The following DUSP16 variants were observed in gnomAD, a reference collection of about 807,000 sequenced individuals.
The protein encoded by DUSP16 is dual specificity protein phosphatase 16.
Under a neutral mutation model 58.3 loss-of-function variants are expected in DUSP16, and 21 were observed. The ratio of observed to expected loss-of-function variants is 0.36; its 90% CI spans 0.26 to 0.52. The LOEUF (loss-of-function observed/expected upper bound fraction) is 0.52, where lower values mean the gene tolerates loss of function less well. DUSP16 is among the 20% of genes least tolerant of loss of function. DUSP16 has a pLI of 0.94. For missense variants in DUSP16, 726 were observed against 819.0 expected (o/e 0.89, Z 1.39); for synonymous variants, 320 against 323.8 (o/e 0.99, Z 0.12).
intron 4 of DUSP16, among the ~76,000 whole-genome samples, chr12:12,494,011 C>T (rs1292994531): frequency 6.6e-6 from 1 of 152,128 alleles, no homozygotes; most frequent in African/African-American, 2.4e-5. Flanking sequence ...ATGGTAGAGG[C>T]TCAATAAACA....
intron 1 of DUSP16, among the ~76,000 whole-genome samples, chr12:12,561,366 G>A (rs566439965): frequency 6.6e-6 from 1 of 152,226 alleles, no homozygotes; most frequent in East Asian, 1.9e-4. Flanking sequence ...AGATCTACTT[G>A]CCTTTTCTCT....
Position 12,476,700 on chromosome 12 carries a change from T to G in DUSP16, c.*133A>C. ...AGAGTAACAACTGGGTTGATCCACC[T>G]GTTGCTTTTACACCATAGCTCCATT... On this transcript the variant is annotated 3_prime_UTR_variant, in exon 7 of 7. Transcript: ENST00000298573. 1 of 717,822 alleles carries G rather than the reference T, an allele frequency of 1.4e-6. No homozygotes were observed. Among genetic ancestry groups the G allele is most frequent in the Non-Finnish European group, 2.2e-6 (1 of 447,690 alleles). The allele number at this position is 717,822 out of a possible 1,614,324, so 44.5% of individuals were successfully genotyped here.
rs985766893 is a variant in DUSP16, at chr12:12,479,466, G to A, written c.815+757C>T. Among the ~76,000 whole-genome samples the A allele has an allele frequency of 2.6e-5, 4 of 152,154 alleles. No homozygotes were observed. In the East Asian group the frequency reaches 5.8e-4, roughly 22 times the overall value. ...CAGGGAGGTCTGAACGGCGGCATGAGAGCTCGTGCAGATGACCAGAGGACC... is the reference window on the plus strand; with the variant it reads ...CAGGGAGGTCTGAACGGCGGCATGAAAGCTCGTGCAGATGACCAGAGGACC... On this transcript the variant is annotated intron_variant, in intron 6 of 6. Transcript: ENST00000298573.
At chr12:12,536,500 T>C (rs999474933) in intron 1 of DUSP16, among the ~76,000 whole-genome samples, 13 of 152,288 alleles carry the variant, frequency 8.5e-5, no homozygotes, top group Admixed American at 3.3e-4. Context: ...ATCCCAGCAC[T>C]TTGGGAGGCC....
chr12:12,493,968 T>C (rs188483944), intron 4 of DUSP16, among the ~76,000 whole-genome samples: 1 of 152,366 alleles, frequency 6.6e-6, no homozygotes, highest in African/African-American at 2.4e-5. Context: ...CATTTCCTGG[T>C]GTACCCCCAG....
chr12:12,512,676 C>T (rs1433487202), intron 3 of DUSP16, among the ~76,000 whole-genome samples: 1 of 152,078 alleles, frequency 6.6e-6, no homozygotes, highest in African/African-American at 2.4e-5. Context: ...GCTGAATATT[C>T]CATTGTGTGT....
At chr12:12,547,221 G>T (rs1307671625) in intron 1 of DUSP16, among the ~76,000 whole-genome samples, 1 of 152,054 alleles carries the variant, frequency 6.6e-6, no homozygotes, top group Non-Finnish European at 1.5e-5. Context: ...CTGAGGTCAG[G>T]AGTTTGAGAC....
intron 1 of DUSP16, among the ~76,000 whole-genome samples, chr12:12,542,596 C>T (rs1944580954): frequency 6.6e-6 from 1 of 152,028 alleles, no homozygotes; most frequent in Non-Finnish European, 1.5e-5. Flanking sequence ...CACTGCATTG[C>T]ACACCTTCAA....
At chr12:12,507,924 A>G (rs1218936968) in intron 3 of DUSP16, among the ~76,000 whole-genome samples, 3 of 152,224 alleles carry the variant, frequency 2.0e-5, no homozygotes, top group African/African-American at 7.2e-5. Flanking sequence ...ATTCTTTTGT[A>G]GTTCTCAAGT....
chr12:12,550,031 G>A (rs1412573364), intron 1 of DUSP16, among the ~76,000 whole-genome samples: 1 of 152,150 alleles, frequency 6.6e-6, no homozygotes, highest in East Asian at 1.9e-4. Context: ...GTGGCACTCT[G>A]GGAGGCTGAG....
At chr12:12,492,864 C>T (rs537217331) in intron 4 of DUSP16, among the ~76,000 whole-genome samples, 2 of 152,272 alleles carry the variant, frequency 1.3e-5, no homozygotes, top group South Asian at 2.1e-4. Flanking sequence ...CTGCTCCTTC[C>T]TCCTGGAAAA....
chr12:12,513,060 T>C (rs989878636), intron 3 of DUSP16, among the ~76,000 whole-genome samples: 19 of 152,200 alleles, frequency 1.2e-4, no homozygotes, highest in African/African-American at 4.3e-4. Context: ...CCTTATTAAA[T>C]TGAAAATGTG....
At chr12:12,486,936 T>C in intron 5 of DUSP16, 92 bp downstream of exon 5, 4 of 1,487,858 alleles carry the variant, frequency 2.7e-6, no homozygotes, top group Non-Finnish European at 3.7e-6. Flanking sequence ...AATAGGCTCC[T>C]TTTCTCTAAA....
Position 12,557,455 on chromosome 12 carries a change from CAA to C in DUSP16, c.-366+4660_-366+4661del, listed in dbSNP as rs556746921. ...CTGGCGACAGAGCAAGACTCCGTCT[CAA>C]AAAAAAAAAAAAAAAAATCTAAGTT... On this transcript the variant is annotated intron_variant, in intron 1 of 6. Coordinates refer to ENST00000298573, the MANE Select transcript of DUSP16 (RefSeq NM_030640.3). Among the ~76,000 whole-genome samples, 450 of 57,388 alleles carry C rather than the reference CAA, an allele frequency of 7.8e-3. 1 individual carries two copies. The highest frequency in any genetic ancestry group is 0.026 in the African/African-American group (411 of 15,646). 37.6% of individuals were successfully genotyped at this position (57,388 alleles called of 152,430 possible).
At chr12:12,503,653 A>ACTGGCGTC (rs1943945244) in intron 3 of DUSP16, among the ~76,000 whole-genome samples, 1 of 152,212 alleles carries the variant, frequency 6.6e-6, no homozygotes, top group Non-Finnish European at 1.5e-5. Flanking sequence ...GCCCCAGAGC[A>ACTGGCGTC]CTGGCGTCCT....
At chr12:12,533,810 T>C (rs1014084620) in intron 1 of DUSP16, among the ~76,000 whole-genome samples, 3 of 152,264 alleles carry the variant, frequency 2.0e-5, no homozygotes, top group African/African-American at 7.2e-5. Context: ...ACAGTGTCAC[T>C]TGACATTCCC....
At chr12:12,506,095 T>A (rs1260963603) in intron 3 of DUSP16, 1 of 152,240 alleles carries the variant, frequency 6.6e-6, no homozygotes, top group African/African-American at 2.4e-5. Context: ...GACCTTTCAT[T>A]CACTGCTGCA....
At position 12,489,859 on chromosome 12, in the gene DUSP16, C is replaced by CA. The variant is rs1423802396; in HGVS notation, c.532-2673dup. ...CTTTGTTAGAGACCTTTTAATTAGA[C>CA]AATGACACACGGTACTGATTAAGAA... On this transcript the variant is annotated intron_variant, in intron 4 of 6. Transcript: ENST00000298573. Among the ~76,000 whole-genome samples, 3 of 152,196 alleles carry CA rather than the reference C, an allele frequency of 2.0e-5. No homozygotes were observed. In the East Asian group the frequency reaches 5.8e-4, roughly 29 times the overall value.
chr12:12,531,212 G>GA (rs1352858429), intron 1 of DUSP16, among the ~76,000 whole-genome samples: 1 of 152,022 alleles, frequency 6.6e-6, no homozygotes, highest in East Asian at 1.9e-4. Flanking sequence ...AACAGGACTG[G>GA]AAGGCTCTAG....
Sources: allele counts gnomAD v4.1 joint callset (sites outside exome capture counted in the v4.1 genomes callset), GRCh38; gene constraint gnomAD v4.1.1; transcripts MANE v1.5; gene names NCBI Gene and HGNC (gene_info 2026-07-23, HGNC 2026-07-21).